Variants in RHBDL2 observed in about 807,000 individuals in gnomAD.
The protein encoded by RHBDL2 is rhomboid like 2, also known as rhomboid-related protein 2.
Under a neutral mutation model 31.7 loss-of-function variants are expected in RHBDL2, and 26 were observed. The ratio of observed to expected loss-of-function variants is 0.82; its 90% CI spans 0.60 to 1.14. RHBDL2 has a LOEUF of 1.14. RHBDL2 is among the 50% of genes most tolerant of loss of function. The probability of loss-of-function intolerance (pLI) is 0.00; values close to 1 mark genes in which losing one functional copy is unlikely to be tolerated. For missense variants in RHBDL2, 336 were observed against 364.4 expected, an observed-to-expected ratio of 0.92 and a Z score of 0.63; for synonymous variants, 123 against 127.2, an observed-to-expected ratio of 0.97 and a Z score of 0.22.
intron 5 of RHBDL2, among the ~76,000 whole-genome samples, chr1:38,894,362 C>T (rs909395962): frequency 6.6e-6 from 1 of 152,050 alleles, no homozygotes; most frequent in Non-Finnish European, 1.5e-5. Context: ...CTCACTCTGT[C>T]GCCAGGCTGG....
At chr1:38,894,292 T>G (rs889960059) in intron 5 of RHBDL2, among the ~76,000 whole-genome samples, 3 of 152,146 alleles carry the variant, frequency 2.0e-5, no homozygotes, top group African/African-American at 4.8e-5. Context: ...TTATAATTGC[T>G]TTACACTTTT....
Position 38,919,317 on chromosome 1 carries a change from G to C in RHBDL2, c.-105C>G, listed in dbSNP as rs752409498. On this transcript the variant is annotated 5_prime_UTR_variant, in exon 2 of 8. Coordinates refer to ENST00000372990, the MANE Select transcript of RHBDL2 (RefSeq NM_017821.5). The stretch of plus-strand genomic sequence containing the variant: ...TCTTCCCTGGGCTGTCTGGCGCAAC[G>C]ACTGCTTTCCAAGGCCTTTCCTGTA... 3 of 1,602,042 alleles carry C rather than the reference G, an allele frequency of 1.9e-6. No individual in the cohort carries two copies. The African/African-American group carries it at 4.0e-5, about 21-fold the overall frequency.
At chr1:38,925,868 A>T in intron 1 of RHBDL2, 1 of 886,552 alleles carries the variant, frequency 1.1e-6, no homozygotes. Context: ...CAGGCAGAGC[A>T]GTAGGCCTGG....
intron 2 of RHBDL2, among the ~76,000 whole-genome samples, chr1:38,916,083 C>A (rs187754083): frequency 1.3e-5 from 2 of 152,272 alleles, no homozygotes; most frequent in East Asian, 3.9e-4. Flanking sequence ...GAAAGTAGGT[C>A]AATGCTGGCT....
intron 1 of RHBDL2, chr1:38,926,154 A>G: frequency 9.2e-7 from 1 of 1,082,068 alleles, no homozygotes; most frequent in Non-Finnish European, 1.1e-6. Flanking sequence ...CAGCTTGACC[A>G]ATCAGCTGCA....
intron 7 of RHBDL2, 134 bp downstream of exon 7, chr1:38,887,829 A>T: frequency 1.6e-6 from 1 of 626,688 alleles, no homozygotes; most frequent in Non-Finnish European, 2.8e-6. Flanking sequence ...CAAAAGTCTG[A>T]TTTCCTTAAA....
At chr1:38,908,774 T>C (rs1643102631) in intron 4 of RHBDL2, among the ~76,000 whole-genome samples, 1 of 152,096 alleles carries the variant, frequency 6.6e-6, no homozygotes, top group Non-Finnish European at 1.5e-5. Context: ...AGTTTAGTAG[T>C]CTGTAGGTGG....
chr1:38,923,135 G>C (rs1397647768), intron 1 of RHBDL2, among the ~76,000 whole-genome samples: 8 of 152,012 alleles, frequency 5.3e-5, no homozygotes, highest in African/African-American at 1.9e-4. Context: ...ATATTTATGA[G>C]GTGTGTGGCA....
intron 1 of RHBDL2, chr1:38,929,685 C>T (rs1643419644): frequency 1.3e-5 from 9 of 669,382 alleles, no homozygotes; most frequent in Non-Finnish European, 1.7e-5. Flanking sequence ...CCAGCTGGGG[C>T]TGCCAGGGAG....
chr1:38,907,540 CA>C (rs1198976306), intron 4 of RHBDL2, among the ~76,000 whole-genome samples: 1 of 151,746 alleles, frequency 6.6e-6, no homozygotes, highest in East Asian at 1.9e-4. Context: ...AACTCTGTCT[CA>C]AAATAAATAA....
chr1:38,918,934 C>T, intron 2 of RHBDL2, 33 bp downstream of exon 2: 1 of 1,596,202 alleles, frequency 6.3e-7, no homozygotes, highest in Non-Finnish European at 8.6e-7. Context: ...CCCCATGCCA[C>T]TTACCCCGGT....
chr1:38,891,811 G>T (rs940775598), intron 6 of RHBDL2, among the ~76,000 whole-genome samples: 1 of 152,150 alleles, frequency 6.6e-6, no homozygotes, highest in Non-Finnish European at 1.5e-5. Flanking sequence ...GCAAAATCCT[G>T]TTTTCTTACT....
At chr1:38,916,332 T>C (rs1643234766) in intron 2 of RHBDL2, among the ~76,000 whole-genome samples, 1 of 152,158 alleles carries the variant, frequency 6.6e-6, no homozygotes, top group Admixed American at 6.5e-5. Flanking sequence ...GGGGACATTC[T>C]ACAGGATCCC....
In RHBDL2 at chr1:38,919,355, A is replaced by G. The variant is rs1327034203; in HGVS notation, c.-125-18T>C. 11 of 1,554,128 alleles carry G rather than the reference A, an allele frequency of 7.1e-6. No individual in the cohort carries two copies. The highest frequency in any genetic ancestry group is 2.3e-5 in the East Asian group (1 of 44,220). On this transcript the variant is annotated intron_variant, in intron 1 of 7. Coordinates refer to ENST00000372990, the MANE Select transcript of RHBDL2 (RefSeq NM_017821.5). ...GGCCTTTCCTGTATGTGAAGAGAAG[A>G]CAGCTGAAGATGATCAAAATGATCT...
intron 2 of RHBDL2, 124 bp from the exon 3 acceptor site, chr1:38,915,834 A>C: frequency 1.2e-6 from 1 of 820,662 alleles, no homozygotes; most frequent in Non-Finnish European, 2.0e-6. Context: ...ATAGTGCCAG[A>C]AGGTGACATG....
At chr1:38,894,891 G>C (rs1642896909) in intron 5 of RHBDL2, among the ~76,000 whole-genome samples, 1 of 151,704 alleles carries the variant, frequency 6.6e-6, no homozygotes, top group Non-Finnish European at 1.5e-5. Context: ...ATTTTTAGTA[G>C]AGACGGGGTT....
In RHBDL2 at chr1:38,894,201, G is replaced by A. The variant is rs538585375; in HGVS notation, c.610-977C>T. On this transcript the variant is annotated intron_variant, in intron 5 of 7. Transcript: ENST00000372990. Reference sequence around the variant, plus strand: ...TAACTTTTGGCCACAGTTCCTTAAAGTGAGTCTACAACCACTAATGGGTTG... The same window carrying A: ...TAACTTTTGGCCACAGTTCCTTAAAATGAGTCTACAACCACTAATGGGTTG... Among the ~76,000 whole-genome samples the A allele has an allele frequency of 3.9e-5, 6 of 152,176 alleles. 1 individual carries two copies. The South Asian group carries it at 1.2e-3, about 32-fold the overall frequency.
At chr1:38,916,689 A>C (rs900429674) in intron 2 of RHBDL2, among the ~76,000 whole-genome samples, 3 of 144,738 alleles carry the variant, frequency 2.1e-5, no homozygotes, top group Non-Finnish European at 4.6e-5. Flanking sequence ...CTCTACTAAA[A>C]ATACAAAAAA....
intron 1 of RHBDL2, among the ~76,000 whole-genome samples, chr1:38,922,734 A>C (rs1423382704): frequency 6.7e-6 from 1 of 149,622 alleles, no homozygotes; most frequent in Non-Finnish European, 1.5e-5. Context: ...TCTCCCGCTC[A>C]CGTTTATCTT....
Sources: gnomAD v4.1 joint callset for allele counts (sites outside exome capture counted in the v4.1 genomes callset) on GRCh38, gnomAD v4.1.1 for gene constraint, MANE v1.5 for transcripts, NCBI Gene and HGNC (gene_info 2026-07-23, HGNC 2026-07-21) for gene names.